Variants in ANO7 observed in about 807,000 individuals in gnomAD.
The protein encoded by ANO7 is anoctamin-7.
A neutral mutation model predicts 115.8 loss-of-function variants in ANO7; 114 were observed. That is an observed-to-expected ratio of 0.98 (90% confidence interval 0.85 to 1.15). The LOEUF is 1.15. Among genes scored for constraint, ANO7 ranks in the 50% most tolerant of loss-of-function variants. The pLI is 0.00. For missense variants in ANO7, 1,302 were observed against 1,201.2 expected (o/e 1.08, Z -1.24); for synonymous variants, 550 against 498.2 (o/e 1.10, Z -1.38).
At chr2:241,210,609 C>T in intron 15 of ANO7, 39 bp downstream of exon 15, 4 of 1,574,024 alleles carry the variant, frequency 2.5e-6, no homozygotes, top group South Asian at 1.1e-5. Flanking sequence ...GACCAGGGGC[C>T]CACCCTGCCG....
At chr2:241,194,247 T>C (rs920952504) in intron 3 of ANO7, among the ~76,000 whole-genome samples, 7 of 148,702 alleles carry the variant, frequency 4.7e-5, no homozygotes, top group Non-Finnish European at 1.0e-4. Flanking sequence ...GTATTCCAAA[T>C]AGCATTACTT....
chr2:241,218,428 G>A, intron 21 of ANO7, 47 bp downstream of exon 21: 1 of 1,267,812 alleles, frequency 7.9e-7, no homozygotes, highest in Non-Finnish European at 1.0e-6. Context: ...ACGAGGACGA[G>A]GCGGAGCGGG....
At chr2:241,204,763 G>A (rs2068550566) in intron 9 of ANO7, 102 bp from the exon 10 acceptor site, 2 of 822,482 alleles carry the variant, frequency 2.4e-6, no homozygotes, top group Non-Finnish European at 3.9e-6. Context: ...CCCAAGCTGG[G>A]CTGAGGGTGG....
chr2:241,235,440 G>A, the ANO7 span: 20 of 1,487,500 alleles, frequency 1.3e-5, no homozygotes, highest in African/African-American at 2.8e-5. Flanking sequence ...ACTCGGGAGA[G>A]GATGCGACAG....
downstream of ANO7, chr2:241,229,840 C>A: frequency 1.4e-6 from 2 of 1,459,904 alleles, no homozygotes; most frequent in Non-Finnish European, 1.8e-6. Flanking sequence ...GACCTTCTCA[C>A]TGCTGCTGGC....
intron 18 of ANO7, 42 bp downstream of exon 18, chr2:241,214,944 G>A (rs1559453458): frequency 6.3e-7 from 1 of 1,583,012 alleles, no homozygotes. Context: ...CAAGGACCGA[G>A]GGACCCCAGA....
rs781713167 is a variant in ANO7 at position 241,224,093 on chromosome 2, C to T, written c.2584-4C>T. The T allele has an allele frequency of 8.1e-6, 13 of 1,614,018 alleles. No homozygotes were observed. In the Admixed American group the frequency reaches 2.0e-4, roughly 25 times the overall value. On this transcript the variant is annotated splice_region_variant and splice_polypyrimidine_tract_variant and intron_variant, in intron 24 of 24. Transcript: ENST00000674324. Reference sequence around the variant, plus strand: ...CTTGTCCCTGCCCCCAACCCTCTCCCCAGCTCAGCTCCCACTGGACACCCT... The same window carrying T: ...CTTGTCCCTGCCCCCAACCCTCTCCTCAGCTCAGCTCCCACTGGACACCCT...
chr2:241,212,496 A>G lies in ANO7; in HGVS notation c.1674-76A>G, dbSNP rs1250941588. The G allele has an allele frequency of 4.1e-6, 6 of 1,462,210 alleles. No homozygotes were observed. In the African/African-American group the frequency reaches 8.4e-5, roughly 20 times the overall value. 90.6% of individuals were successfully genotyped at this position (1,462,210 alleles called of 1,614,324 possible). ...CAGGGCAGGTGCAGCAGCTCTGCTG[A>G]GGCCTCCAGAGCCCAGGGAAGTGGG... On this transcript the variant is annotated intron_variant, in intron 16 of 24. Coordinates refer to ENST00000674324, the MANE Select transcript of ANO7 (RefSeq NM_001370694.2).
intron 4 of ANO7, chr2:241,196,269 C>A: frequency 1.4e-6 from 1 of 732,622 alleles, no homozygotes. Flanking sequence ...CACTTAGAAT[C>A]ATTTAAGCAA....
At chr2:241,223,597 T>C in intron 22 of ANO7, 65 bp from the exon 23 acceptor site, 1 of 1,582,376 alleles carries the variant, frequency 6.3e-7, no homozygotes, top group Non-Finnish European at 8.6e-7. Flanking sequence ...AGCCCCGGCC[T>C]GCCTGGCCCT....
the ANO7 span, chr2:241,233,730 C>T: frequency 5.6e-3 from 8,244 of 1,463,696 alleles, 36 homozygotes; most frequent in Non-Finnish European, 6.9e-3. The surrounding 1 kb of genome is among the most constrained non-coding windows in gnomAD (Gnocchi z 4.3). Context: ...CCTCGAACCC[C>T]CATCTAGGCA....
intron 21 of ANO7, among the ~76,000 whole-genome samples, chr2:241,220,123 T>G (rs754833880): frequency 8.5e-5 from 13 of 152,270 alleles, no homozygotes; most frequent in Non-Finnish European, 1.8e-4. Flanking sequence ...TAATTTCTTA[T>G]GTATTGCCTT....
chr2:241,239,947 G>A, the ANO7 span: 6 of 1,614,102 alleles, frequency 3.7e-6, no homozygotes, highest in African/African-American at 6.7e-5. The surrounding 1 kb of genome is among the most constrained non-coding windows in gnomAD (Gnocchi z 4.6). Context: ...CTCTCGGACG[G>A]CGTCCTCCTT....
chr2:241,229,520 C>T, downstream of ANO7: 1 of 1,031,582 alleles, frequency 9.7e-7, no homozygotes, highest in Non-Finnish European at 1.5e-6. Flanking sequence ...GAGGGTCCAG[C>T]CGCTGGGTCA....
chr2:241,226,839 AG>A (rs2069192312), downstream of ANO7, among the ~76,000 whole-genome samples: 1 of 152,280 alleles, frequency 6.6e-6, no homozygotes, highest in Middle Eastern at 3.4e-3. Context: ...CCTGCCACTC[AG>A]GTGACTGGGG....
chr2:241,207,460 C>T, intron 10 of ANO7, 114 bp from the exon 11 acceptor site: 2 of 730,316 alleles, frequency 2.7e-6, no homozygotes, highest in South Asian at 3.3e-5. Flanking sequence ...CTGGCAAAGG[C>T]AGTGGTGGAC....
At chr2:241,213,115 G>A (rs116482846) in intron 17 of ANO7, among the ~76,000 whole-genome samples, 1 of 152,056 alleles carries the variant, frequency 6.6e-6, no homozygotes, top group Non-Finnish European at 1.5e-5. Context: ...ACACAGGCCC[G>A]CAGAGGCTGG....
At chr2:241,230,956 G>A, downstream of ANO7, 1 of 1,609,798 alleles carries the variant, frequency 6.2e-7, no homozygotes, top group Non-Finnish European at 8.5e-7. The surrounding 1 kb of genome is among the most constrained non-coding windows in gnomAD (Gnocchi z 5.0). Flanking sequence ...TAAAAAAGGA[G>A]AATGTAGTCA....
At chr2:241,216,356 C>A (rs898798611) in intron 19 of ANO7, 118 bp downstream of exon 19, 2 of 1,306,800 alleles carry the variant, frequency 1.5e-6, no homozygotes, top group Non-Finnish European at 2.0e-6. Flanking sequence ...CTGAAATGTG[C>A]TGTGGGGGTG....
Sources: gnomAD v4.1 joint callset for allele counts (sites outside exome capture counted in the v4.1 genomes callset) on GRCh38, gnomAD v4.1.1 for gene constraint, Gnocchi (gnomAD v3.1) non-coding constraint, MANE v1.5 for transcripts, NCBI Gene and HGNC (gene_info 2026-07-23, HGNC 2026-07-21) for gene names.